The following NALF1 variants were observed in gnomAD, a reference collection of about 807,000 sequenced individuals.
The protein encoded by NALF1 is NALCN channel auxiliary factor 1, also known as family with sequence similarity 155 member A.
Under a neutral mutation model 48.4 loss-of-function variants are expected in NALF1, and 3 were observed. The observed-to-expected ratio is 0.06, with a 90% CI of 0.03 to 0.16. The LOEUF is 0.16. Ranked by LOEUF, NALF1 falls within the 10% of genes least tolerant of loss-of-function variation. NALF1 has a pLI of 1.00. For synonymous variants in NALF1, 262 were observed against 245.7 expected (o/e 1.07, Z -0.62); for missense variants, 526 against 571.5 (o/e 0.92, Z 0.81).
intron 1 of NALF1, among the ~76,000 whole-genome samples, chr13:107,309,857 T>C (rs536921360): frequency 1.3e-5 from 2 of 152,340 alleles, no homozygotes; most frequent in Non-Finnish European, 2.9e-5. Flanking sequence ...ACTGAGTGTT[T>C]TCTTTTAAAT....
intron 1 of NALF1, among the ~76,000 whole-genome samples, chr13:107,810,830 C>G (rs1354245100): frequency 1.3e-5 from 2 of 152,052 alleles, no homozygotes; most frequent in Non-Finnish European, 2.9e-5. Flanking sequence ...TCTTCAAAGT[C>G]TCTCCATAGA....
intron 1 of NALF1, among the ~76,000 whole-genome samples, chr13:107,245,845 C>T (rs1286575297): frequency 2.0e-5 from 3 of 152,114 alleles, no homozygotes; most frequent in South Asian, 2.1e-4. Flanking sequence ...ATTCCTACAT[C>T]TCTTTCTAAT....
At chr13:107,635,975 A>G (rs1223946132) in intron 1 of NALF1, among the ~76,000 whole-genome samples, 2 of 152,212 alleles carry the variant, frequency 1.3e-5, no homozygotes, top group Non-Finnish European at 2.9e-5. Flanking sequence ...CTGTAAAGAA[A>G]AGCATTTTAC....
intron 1 of NALF1, among the ~76,000 whole-genome samples, chr13:107,325,885 TATACAC>T (rs1306812100): frequency 5.3e-4 from 37 of 69,746 alleles, no homozygotes; most frequent in Middle Eastern, 9.4e-3. Context: ...TATATATATA[TATACAC>T]ACACACACAC....
At chr13:107,277,846 T>C (rs928483587) in intron 1 of NALF1, among the ~76,000 whole-genome samples, 1 of 152,222 alleles carries the variant, frequency 6.6e-6, no homozygotes, top group Non-Finnish European at 1.5e-5. Context: ...AGCAAGCTGG[T>C]AGGAGTTCAG....
intron 1 of NALF1, among the ~76,000 whole-genome samples, chr13:107,549,822 T>G (rs1877238858): frequency 6.6e-6 from 1 of 152,216 alleles, no homozygotes; most frequent in East Asian, 1.9e-4. Flanking sequence ...AATTTCCCAC[T>G]AACATTCTTT....
At chr13:107,733,046 G>A (rs756435103) in intron 1 of NALF1, among the ~76,000 whole-genome samples, 47 of 152,128 alleles carry the variant, frequency 3.1e-4, no homozygotes, top group Non-Finnish European at 2.4e-4. Flanking sequence ...GAAATAAATC[G>A]GCACCCTGGA....
chr13:107,517,994 T>C (rs77658760), intron 1 of NALF1, among the ~76,000 whole-genome samples: 1,872 of 152,070 alleles, frequency 0.012, 23 homozygotes, highest in Middle Eastern at 0.037. Flanking sequence ...AAAACGTAGT[T>C]TGGAGTACAG....
At chr13:107,277,226 A>C (rs907709618) in intron 1 of NALF1, among the ~76,000 whole-genome samples, 1 of 152,184 alleles carries the variant, frequency 6.6e-6, no homozygotes, top group Non-Finnish European at 1.5e-5. Flanking sequence ...TATTTTGAAG[A>C]CTATATTTTA....
rs963890910 is a variant in NALF1 at position 107,382,336 on chromosome 13, A to G, written c.916-171581T>C. Among the ~76,000 whole-genome samples, 4 of 152,226 alleles carry G rather than the reference A, an allele frequency of 2.6e-5. No individual in the cohort carries two copies. In the East Asian group the frequency reaches 7.7e-4, roughly 29 times the overall value. Reference sequence around the variant, plus strand: ...GTTATATAAACAACTCAGTGAAAAGAGGGGTTTGGCTAAATATTCTCATTA... The same window carrying G: ...GTTATATAAACAACTCAGTGAAAAGGGGGGTTTGGCTAAATATTCTCATTA... On this transcript the variant is annotated intron_variant, in intron 1 of 2. Transcript: ENST00000375915.
chr13:107,685,327 C>CA (rs1566443541), intron 1 of NALF1, among the ~76,000 whole-genome samples: 1 of 151,840 alleles, frequency 6.6e-6, no homozygotes. Context: ...AAAAAACAAA[C>CA]AAAAAAACAA....
intron 1 of NALF1, among the ~76,000 whole-genome samples, chr13:107,393,734 T>A (rs1883664959): frequency 6.6e-6 from 1 of 152,184 alleles, no homozygotes; most frequent in African/African-American, 2.4e-5. Flanking sequence ...ATAAACAATA[T>A]GATTCTTTGA....
intron 1 of NALF1, among the ~76,000 whole-genome samples, chr13:107,854,069 T>C (rs1403815778): frequency 6.6e-6 from 1 of 152,268 alleles, no homozygotes; most frequent in East Asian, 1.9e-4. Context: ...GATAGGATTT[T>C]ATTCACTCAG....
At chr13:107,688,706 C>T (rs1002117316) in intron 1 of NALF1, among the ~76,000 whole-genome samples, 2 of 152,184 alleles carry the variant, frequency 1.3e-5, no homozygotes, top group Admixed American at 6.5e-5. Flanking sequence ...ATCTCTGTGC[C>T]ATTCCAGGGT....
chr13:107,315,857 T>C (rs1427420058), intron 1 of NALF1, among the ~76,000 whole-genome samples: 4 of 150,666 alleles, frequency 2.7e-5, no homozygotes, highest in Non-Finnish European at 4.4e-5. Context: ...GATAAATGAA[T>C]TGAAGCCCAA....
At chr13:107,202,968 G>C (rs1304302619) in intron 2 of NALF1, among the ~76,000 whole-genome samples, 1 of 152,166 alleles carries the variant, frequency 6.6e-6, no homozygotes, top group East Asian at 1.9e-4. Flanking sequence ...CATCAAACTA[G>C]ATGACTTCAG....
At chr13:107,715,938 G>C (rs924813269) in intron 1 of NALF1, among the ~76,000 whole-genome samples, 1 of 152,168 alleles carries the variant, frequency 6.6e-6, no homozygotes, top group African/African-American at 2.4e-5. Flanking sequence ...AGAGAGAGAG[G>C]AGTAAAATGG....
At chr13:107,523,814 A>T (rs61500790) in intron 1 of NALF1, among the ~76,000 whole-genome samples, 6,118 of 152,186 alleles carry the variant, frequency 0.04, 439 homozygotes, top group African/African-American at 0.14. Flanking sequence ...TTTTCTGATT[A>T]TGAAAATATG....
At chr13:107,849,019 A>C (rs901638577) in intron 1 of NALF1, among the ~76,000 whole-genome samples, 8 of 152,172 alleles carry the variant, frequency 5.3e-5, no homozygotes, top group Non-Finnish European at 8.8e-5. Context: ...GCTGCATAAC[A>C]AACACCCCAA....
Sources: allele counts gnomAD v4.1 joint callset (sites outside exome capture counted in the v4.1 genomes callset), GRCh38; gene constraint gnomAD v4.1.1; transcripts MANE v1.5; gene names NCBI Gene and HGNC (gene_info 2026-07-23, HGNC 2026-07-21).